The following FREM1 variants were observed in gnomAD, a reference collection of about 807,000 sequenced individuals.
FREM1 encodes FRAS1-related extracellular matrix protein 1.
In FREM1, 220 loss-of-function variants were observed where a neutral mutation model predicts 210.1. The ratio of observed to expected loss-of-function variants is 1.05; its 90% CI spans 0.94 to 1.17. The LOEUF is 1.17. FREM1 is among the 50% of genes most tolerant of loss of function. The pLI is 0.00. For missense variants in FREM1, 3,454 were observed against 2,675.5 expected (o/e 1.29, Z -6.42); for synonymous variants, 1,189 against 980.2 (o/e 1.21, Z -3.98).
chr9:14,779,073 T>C (rs1212429538), intron 24 of FREM1, among the ~76,000 whole-genome samples: 1 of 152,176 alleles, frequency 6.6e-6, no homozygotes, highest in Non-Finnish European at 1.5e-5. Context: ...TTTCTGTTAC[T>C]TTTTCATATT....
chr9:14,737,551 C>A lies in FREM1; in HGVS notation c.6385G>T (p.Gly2129Cys), dbSNP rs760803904. The A allele has an allele frequency of 3.7e-6, 6 of 1,604,532 alleles. No homozygotes were observed. Among genetic ancestry groups the A allele is most frequent in the Non-Finnish European group, 4.3e-6 (5 of 1,175,194 alleles). ...CCATTGGTGAAGGCAACAGGTTCACCACCGATCCACTCCCAGTGGCCAGCA... is the reference window on the plus strand; with the variant it reads ...CCATTGGTGAAGGCAACAGGTTCACAACCGATCCACTCCCAGTGGCCAGCA... ...VHAGHWEWIG[G>C]EPVAFTNGRR... Residue 2129 changes from glycine to cysteine, a missense_variant, in exon 37 of 37, where the codon GGT becomes TGT. Transcript: ENST00000380880.
chr9:14,796,073 G>A (rs1167212963), intron 21 of FREM1, among the ~76,000 whole-genome samples: 4 of 152,162 alleles, frequency 2.6e-5, no homozygotes, highest in Admixed American at 6.5e-5. Flanking sequence ...TGATGTATGA[G>A]ATGCAACCCT....
At chr9:14,862,554 CAG>C (rs1232854680) in intron 3 of FREM1, among the ~76,000 whole-genome samples, 1 of 152,166 alleles carries the variant, frequency 6.6e-6, no homozygotes, top group Non-Finnish European at 1.5e-5. Context: ...ATATACAACT[CAG>C]AGTTTTTTAG....
At chr9:14,747,960 A>G (rs1842756885) in intron 31 of FREM1, among the ~76,000 whole-genome samples, 1 of 152,212 alleles carries the variant, frequency 6.6e-6, no homozygotes, top group East Asian at 1.9e-4. Context: ...GAAAAAGTAC[A>G]TCTTTATTTT....
intron 28 of FREM1, among the ~76,000 whole-genome samples, chr9:14,758,235 A>G (rs114037290): frequency 0.015 from 2,349 of 152,282 alleles, 52 homozygotes; most frequent in African/African-American, 0.053. Flanking sequence ...GAAGGCCTGC[A>G]CACTCAGCTG....
At chr9:14,762,688 G>GA (rs1845711544) in intron 27 of FREM1, among the ~76,000 whole-genome samples, 2 of 147,786 alleles carry the variant, frequency 1.4e-5, no homozygotes, top group South Asian at 4.3e-4. Flanking sequence ...ATATTTTTGA[G>GA]AAAAATATCT....
At chr9:14,851,254 T>C (rs1355170010) in intron 6 of FREM1, 30 bp downstream of exon 6, 2 of 1,514,504 alleles carry the variant, frequency 1.3e-6, no homozygotes, top group South Asian at 2.6e-5. Context: ...GACTTCTAAC[T>C]AGGCTGGAAG....
chr9:14,879,157 C>CAAA (rs78563904), intron 1 of FREM1, among the ~76,000 whole-genome samples: 21,977 of 103,970 alleles, frequency 0.21, 2,221 homozygotes, highest in East Asian at 0.57. Flanking sequence ...GATTCCGTCT[C>CAAA]AAAAAAAAAA....
chr9:14,801,650 A>G lies in FREM1; in HGVS notation c.3694+2T>C. The G allele has an allele frequency of 6.3e-7, 1 of 1,586,060 alleles. No homozygotes were observed. ...AATGCATGGAAGTGGAACATGCTAT[A>G]CCAGTCTTGAGGAGTTCCATGGAAA... On this transcript the variant is annotated splice_donor_variant, in intron 20 of 36. Transcript: ENST00000380880. LOFTEE classifies it high-confidence loss of function.
In FREM1 at chr9:14,759,679, G is replaced by A. The variant is rs1020901611; in HGVS notation, c.5334+93C>T. On this transcript the variant is annotated intron_variant, in intron 28 of 36. Coordinates refer to ENST00000380880, the MANE Select transcript of FREM1 (RefSeq NM_001379081.2). Reference sequence around the variant, plus strand: ...TCTCCCTGCAATTTGAAATTTCCTTGGTCACTCTGAATTTTTCTAAAAAAA... The same window carrying A: ...TCTCCCTGCAATTTGAAATTTCCTTAGTCACTCTGAATTTTTCTAAAAAAA... 3.5e-5 allele frequency: 42 copies of A among 1,214,628 alleles called. No individual in the cohort carries two copies. The Middle Eastern group carries it at 8.1e-4, about 23-fold the overall frequency. 75.2% of individuals were successfully genotyped at this position (1,214,628 alleles called of 1,614,324 possible).
chr9:14,773,138 T>C (rs1415639584), intron 25 of FREM1, among the ~76,000 whole-genome samples: 2 of 152,214 alleles, frequency 1.3e-5, no homozygotes, highest in Admixed American at 1.3e-4. Context: ...TGATAACTTG[T>C]GTTGTATTTA....
chr9:14,828,216 T>A (rs1005549280), intron 10 of FREM1, among the ~76,000 whole-genome samples: 1 of 152,204 alleles, frequency 6.6e-6, no homozygotes, highest in Non-Finnish European at 1.5e-5. Context: ...AAAGGTGGAA[T>A]TGCCTGGGGC....
intron 10 of FREM1, among the ~76,000 whole-genome samples, chr9:14,829,580 C>T (rs748390563): frequency 6.6e-6 from 1 of 152,182 alleles, no homozygotes; most frequent in African/African-American, 2.4e-5. Context: ...AGTTCAAGCT[C>T]TTGCTCTCTT....
Position 14,740,143 on chromosome 9 carries a change from A to G in FREM1, c.6340+6T>C, listed in dbSNP as rs765275114. 5.6e-6 allele frequency: 9 copies of G among 1,603,646 alleles called. No homozygotes were observed. The highest frequency in any genetic ancestry group is 3.3e-5 in the Admixed American group (2 of 59,810). Reference sequence around the variant, plus strand: ...CCTCAGTGCAGCCTCCCTCCCAGATACTTGCCTATCCAAAAGGACTTTCTC... The same window carrying G: ...CCTCAGTGCAGCCTCCCTCCCAGATGCTTGCCTATCCAAAAGGACTTTCTC... On this transcript the variant is annotated splice_donor_region_variant and intron_variant, in intron 36 of 36. Coordinates refer to ENST00000380880, the MANE Select transcript of FREM1 (RefSeq NM_001379081.2).
intron 13 of FREM1, among the ~76,000 whole-genome samples, chr9:14,820,699 T>G (rs2130743778): frequency 6.6e-6 from 1 of 152,300 alleles, no homozygotes; most frequent in South Asian, 2.1e-4. Context: ...ACCACTGCCT[T>G]CTATTCTTTA....
Position 14,797,415 on chromosome 9 carries a change from G to GAC in FREM1, c.3839+81_3839+82dup, listed in dbSNP as rs144830277. The GAC allele has an allele frequency of 0.044, 48,619 of 1,104,190 alleles. 1,091 individuals are homozygous for GAC. Among genetic ancestry groups the GAC allele is most frequent in the Non-Finnish European group, 0.048 (39,062 of 815,690 alleles). 68.4% of individuals were successfully genotyped at this position (1,104,190 alleles called of 1,614,324 possible). A position where few individuals can be genotyped will look rare whatever the true frequency, so the allele number is the denominator to read the frequency against. Reference sequence around the variant, plus strand: ...CTAGCGAAGACTTGCTTCTTTGGGAGACACACACACACCTGTACCTAGTAT... The same window carrying GAC: ...CTAGCGAAGACTTGCTTCTTTGGGAGACACACACACACACCTGTACCTAGTAT... On this transcript the variant is annotated intron_variant, in intron 21 of 36. Coordinates refer to ENST00000380880, the MANE Select transcript of FREM1 (RefSeq NM_001379081.2).
rs565574113 is a variant in FREM1 at position 14,900,036 on chromosome 9, G to C, written c.-268+9878C>G. Among the ~76,000 whole-genome samples the C allele has an allele frequency of 2.1e-4, 32 of 152,298 alleles. 1 individual carries two copies. Among genetic ancestry groups the C allele is most frequent in the African/African-American group, 7.7e-4 (32 of 41,558 alleles). Reference sequence around the variant, plus strand: ...GCTGAGTCCCATGGCCTGGGAAAAAGCACTGGCTGCAAATAAACTTCACAC... The same window carrying C: ...GCTGAGTCCCATGGCCTGGGAAAAACCACTGGCTGCAAATAAACTTCACAC... On this transcript the variant is annotated intron_variant, in intron 1 of 36. Transcript: ENST00000380880.
At chr9:14,783,866 C>T (rs1042124736) in intron 24 of FREM1, among the ~76,000 whole-genome samples, 12 of 152,100 alleles carry the variant, frequency 7.9e-5, no homozygotes, top group Non-Finnish European at 1.8e-4. Flanking sequence ...ATACAGTTAC[C>T]AGAACACATT....
chr9:14,906,329 G>A (rs905067145), intron 1 of FREM1, among the ~76,000 whole-genome samples: 8 of 151,988 alleles, frequency 5.3e-5, no homozygotes, highest in South Asian at 2.1e-4. Flanking sequence ...TTAACATTCC[G>A]GCCCTTGCGT....
Sources: allele counts gnomAD v4.1 joint callset (sites outside exome capture counted in the v4.1 genomes callset), GRCh38; gene constraint gnomAD v4.1.1; transcripts MANE v1.5; gene names NCBI Gene and HGNC (gene_info 2026-07-23, HGNC 2026-07-21).